The following TXNRD3 variants were observed in gnomAD, a reference collection of about 807,000 sequenced individuals.
The protein encoded by TXNRD3 is TXNRD3 neighbor gene protein.
TXNRD3 carries 68 observed loss-of-function variants against 78.2 expected under a neutral mutation model. That is an observed-to-expected ratio of 0.87 (90% confidence interval 0.72 to 1.06). TXNRD3 has a LOEUF of 1.06. Among genes scored for constraint, TXNRD3 ranks in the 50% least tolerant of loss-of-function variants. The pLI is 0.00. For missense variants in TXNRD3, 751 were observed against 809.5 expected, an observed-to-expected ratio of 0.93 and a Z score of 0.88; for synonymous variants, 296 against 300.1, an observed-to-expected ratio of 0.99 and a Z score of 0.14.
chr3:126,653,259 A>G (rs1933432305), intron 1 of TXNRD3, among the ~76,000 whole-genome samples: 1 of 152,256 alleles, frequency 6.6e-6, no homozygotes, highest in South Asian at 2.1e-4. Flanking sequence ...CATTTGGCTT[A>G]AGGTTGGTTT....
rs1933486049 is a variant in TXNRD3 at position 126,655,100 on chromosome 3, A to G, written c.-110T>C. On this transcript the variant is annotated 5_prime_UTR_variant, in exon 1 of 16. Coordinates refer to ENST00000524230, the MANE Select transcript of TXNRD3 (RefSeq NM_052883.3). Reference sequence around the variant, plus strand: ...GCGGCGAACGCTGCCCTCGCTGGCCACTCTCACCACCCGCGCGAATCCGCG... The same window carrying G: ...GCGGCGAACGCTGCCCTCGCTGGCCGCTCTCACCACCCGCGCGAATCCGCG... 5 of 1,301,354 alleles carry G rather than the reference A, an allele frequency of 3.8e-6. No homozygotes were observed. The highest frequency in any genetic ancestry group is 4.9e-6 in the Non-Finnish European group (5 of 1,024,196). 80.6% of individuals were successfully genotyped at this position (1,301,354 alleles called of 1,614,324 possible).
intron 6 of TXNRD3, among the ~76,000 whole-genome samples, chr3:126,640,076 C>A: frequency 6.7e-6 from 1 of 150,248 alleles, no homozygotes; most frequent in Non-Finnish European, 1.5e-5. Flanking sequence ...GCCAATAAAC[C>A]AAAGCTGCTT....
chr3:126,610,464 C>G (rs909913212), intron 14 of TXNRD3, among the ~76,000 whole-genome samples: 1 of 152,208 alleles, frequency 6.6e-6, no homozygotes, highest in East Asian at 1.9e-4. Flanking sequence ...CCCCTCATAA[C>G]TGGGAGGAGG....
chr3:126,608,648 C>G lies in TXNRD3; in HGVS notation c.1729-15G>C. 1 of 1,529,940 alleles carries G rather than the reference C, an allele frequency of 6.5e-7. No individual in the cohort carries two copies. The highest frequency in any genetic ancestry group is 1.2e-5 in the South Asian group (1 of 82,764). 94.8% of individuals were successfully genotyped at this position (1,529,940 alleles called of 1,614,324 possible). A position where few individuals can be genotyped will look rare whatever the true frequency, so the allele number is the denominator to read the frequency against. On this transcript the variant is annotated splice_polypyrimidine_tract_variant and intron_variant, in intron 14 of 15. Transcript: ENST00000524230. ...ATCACCCGATCCTTTAATACAGAAA[C>G]AAAACAAAGAGAATCCCAGTAGGTT...
At chr3:126,637,932 C>CTTTTTTTTTTTTTTTTTTTTTTTT (rs71615916) in intron 6 of TXNRD3, among the ~76,000 whole-genome samples, 4 of 60,190 alleles carry the variant, frequency 6.6e-5, no homozygotes, top group Non-Finnish European at 8.5e-5. Flanking sequence ...ATTTCTCTCT[C>CTTTTTTTTTTTTTTTTTTTTTTTT]TTTTTTTTTT....
At position 126,631,750 on chromosome 3, in the gene TXNRD3, CTATT is replaced by C. The variant is rs752088184; in HGVS notation, c.971+10_971+13del. ...TTATTAACATTAAAGTTAAAATAGT[CTATT>C]TAACCTTACCTAGTAATACAGTATT... is the stretch of plus-strand genomic sequence containing the variant. On this transcript the variant is annotated intron_variant, in intron 8 of 15. Transcript: ENST00000524230. The C allele has an allele frequency of 1.1e-5, 15 of 1,413,616 alleles. No homozygotes were observed. The highest frequency in any genetic ancestry group is 2.9e-6 in the Non-Finnish European group (3 of 1,036,628). 87.6% of individuals were successfully genotyped at this position (1,413,616 alleles called of 1,614,324 possible). A position where few individuals can be genotyped will look rare whatever the true frequency, so the allele number is the denominator to read the frequency against.
chr3:126,632,660 A>C, intron 7 of TXNRD3, among the ~76,000 whole-genome samples: 1 of 131,152 alleles, frequency 7.6e-6, no homozygotes, highest in East Asian at 2.0e-4. Flanking sequence ...ACTCTGTCTC[A>C]AAAAAAAAAA....
intron 13 of TXNRD3, among the ~76,000 whole-genome samples, chr3:126,614,200 T>TA (rs918243025): frequency 2.6e-5 from 4 of 152,162 alleles, no homozygotes; most frequent in South Asian, 2.1e-4. Flanking sequence ...ATAGGAACTT[T>TA]AAAAAAATAC....
intron 14 of TXNRD3, chr3:126,609,066 G>T (rs748125912): frequency 3.1e-6 from 1 of 319,264 alleles, no homozygotes; most frequent in Non-Finnish European, 6.4e-6. Flanking sequence ...TGGAGACAAA[G>T]GAGAGGCTGG....
intron 10 of TXNRD3, 133 bp downstream of exon 10, chr3:126,629,246 T>G (rs935149287): frequency 1.5e-6 from 1 of 668,290 alleles, no homozygotes; most frequent in Admixed American, 3.1e-5. Flanking sequence ...CAAATTATCT[T>G]CTATGATAAT....
At chr3:126,608,678 G>T in intron 14 of TXNRD3, 45 bp from the exon 15 acceptor site, 2 of 1,515,696 alleles carry the variant, frequency 1.3e-6, no homozygotes, top group Non-Finnish European at 1.8e-6. Flanking sequence ...TAGGTTAATG[G>T]TCTGAATATG....
Position 126,607,903 on chromosome 3 carries a change from G to T in TXNRD3, c.*2C>A, listed in dbSNP as rs1404887186. 6.6e-7 allele frequency: 1 copy of T among 1,513,024 alleles called. No homozygotes were observed. Among genetic ancestry groups the T allele is most frequent in the Admixed American group, 2.0e-5 (1 of 50,634 alleles). The allele number at this position is 1,513,024 out of a possible 1,614,324, so 93.7% of individuals were successfully genotyped here. A position where few individuals can be genotyped will look rare whatever the true frequency, so the allele number is the denominator to read the frequency against. The stretch of plus-strand genomic sequence containing the variant: ...GACAAGGAGAACTAAACAGCAGCAG[G>T]CCTAGCCTCAGCAGCCTTTCTGAGT... On this transcript the variant is annotated 3_prime_UTR_variant, in exon 16 of 16. Coordinates refer to ENST00000524230, the MANE Select transcript of TXNRD3 (RefSeq NM_052883.3).
intron 10 of TXNRD3, chr3:126,624,737 AG>A (rs1324948538): frequency 6.5e-6 from 1 of 154,194 alleles, no homozygotes; most frequent in Non-Finnish European, 1.5e-5. Context: ...CAATAAAGAA[AG>A]GGAAGTCTTT....
At chr3:126,647,491 T>C (rs1041515833) in intron 1 of TXNRD3, among the ~76,000 whole-genome samples, 195 bp from the exon 2 acceptor site, 2 of 152,194 alleles carry the variant, frequency 1.3e-5, no homozygotes, top group African/African-American at 4.8e-5. Context: ...AGGCCATCCC[T>C]TGCCTTCTTT....
chr3:126,626,028 G>A (rs1391287023), intron 10 of TXNRD3: 4 of 152,270 alleles, frequency 2.6e-5, no homozygotes, highest in Non-Finnish European at 5.9e-5. Flanking sequence ...AGGAATCAAC[G>A]GACAGTGAAA....
At position 126,654,660 on chromosome 3, in the gene TXNRD3, C is replaced by A. The variant is rs537239071; in HGVS notation, c.243+88G>T. 24 of 863,546 alleles carry A rather than the reference C, an allele frequency of 2.8e-5. 1 individual carries two copies. In the South Asian group the frequency reaches 8.8e-4, roughly 32 times the overall value. 53.5% of individuals were successfully genotyped at this position (863,546 alleles called of 1,614,324 possible). A position where few individuals can be genotyped will look rare whatever the true frequency, so the allele number is the denominator to read the frequency against. On this transcript the variant is annotated intron_variant, in intron 1 of 15. Transcript: ENST00000524230. ...ACCGCCGCAGCCCGGGACCCGCGGG[C>A]GCCCCGGCCCGGACCCGCCCTGCCC...
Position 126,611,066 on chromosome 3 carries a change from C to T in TXNRD3, c.1699G>A (p.Ala567Thr), listed in dbSNP as rs545536726. The change falls in exon 14 of 16, where the codon GCA becomes ACA. Residue 567 changes from alanine (A) to threonine (T), a missense_variant. Transcript: ENST00000524230. ...TCGAATTTATTGCAGATTATCTTTG[C>T]ATAACAAGTGTTGTTCTCTCTGCCA... 6.6e-5 allele frequency: 100 copies of T among 1,522,240 alleles called. No homozygotes were observed. Among genetic ancestry groups the T allele is most frequent in the Middle Eastern group, 1.7e-4 (1 of 5,944 alleles). 94.3% of individuals were successfully genotyped at this position (1,522,240 alleles called of 1,614,324 possible).
At chr3:126,630,208 T>C (rs1938675787) in intron 9 of TXNRD3, among the ~76,000 whole-genome samples, 1 of 152,232 alleles carries the variant, frequency 6.6e-6, no homozygotes, top group African/African-American at 2.4e-5. Flanking sequence ...ACCACTGGAT[T>C]TGATGACAGG....
rs975340027 is a variant in TXNRD3, at chr3:126,630,864, A to C, written c.1045T>G (p.Cys349Gly). ...CCAAAGCCAGCCAGAAACCCTGCAC[A>C]CTCCAGGGCAACATAAGAGGCACCC... is the stretch of plus-strand genomic sequence containing the variant. Residue 349 changes from cysteine (C) to glycine (G), a missense_variant, in exon 9 of 16, where the codon TGT becomes GGT. Coordinates refer to ENST00000524230, the MANE Select transcript of TXNRD3 (RefSeq NM_052883.3). The C allele has an allele frequency of 7.2e-6, 11 of 1,535,790 alleles. No homozygotes were observed. The highest frequency in any genetic ancestry group is 3.9e-5 in the Admixed American group (2 of 50,946).
Sources: gnomAD v4.1 joint callset for allele counts (sites outside exome capture counted in the v4.1 genomes callset) on GRCh38, gnomAD v4.1.1 for gene constraint, MANE v1.5 for transcripts, NCBI Gene and HGNC (gene_info 2026-07-23, HGNC 2026-07-21) for gene names.